Variants in PLCB1 observed in about 807,000 individuals in gnomAD.
The protein encoded by PLCB1 is phospholipase C beta 1.
A neutral mutation model predicts 161.8 loss-of-function variants in PLCB1; 46 were observed. The ratio of observed to expected loss-of-function variants is 0.28; its 90% CI spans 0.22 to 0.36. PLCB1 has a LOEUF of 0.36. Ranked by LOEUF, PLCB1 falls within the 10% of genes least tolerant of loss-of-function variation. The pLI, the probability that PLCB1 is intolerant of heterozygous loss-of-function variation, is 1.00. For missense variants in PLCB1, 1,016 were observed against 1,472.5 expected (o/e 0.69, Z 5.07); for synonymous variants, 517 against 503.7 (o/e 1.03, Z -0.35).
At chr20:8,387,908 A>C (rs1600365753) in intron 3 of PLCB1, among the ~76,000 whole-genome samples, 2 of 151,212 alleles carry the variant, frequency 1.3e-5, no homozygotes, top group Admixed American at 1.3e-4. Context: ...GTGTGAATCT[A>C]CTTAATGCCA....
At chr20:8,382,952 A>G (rs1456074540) in intron 3 of PLCB1, among the ~76,000 whole-genome samples, 3 of 152,168 alleles carry the variant, frequency 2.0e-5, no homozygotes, top group African/African-American at 7.2e-5. Flanking sequence ...TTTACTTCCA[A>G]TTATGTAGTT....
At chr20:8,203,788 T>A (rs987155661) in intron 2 of PLCB1, among the ~76,000 whole-genome samples, 9 of 152,062 alleles carry the variant, frequency 5.9e-5, no homozygotes, top group Admixed American at 6.6e-5. Context: ...AAATAATAGA[T>A]GGAGATTTTT....
intron 2 of PLCB1, among the ~76,000 whole-genome samples, chr20:8,209,668 G>A (rs1187232165): frequency 6.6e-6 from 1 of 152,054 alleles, no homozygotes; most frequent in Non-Finnish European, 1.5e-5. Context: ...GAAACAAAAA[G>A]GAGTTTCTCT....
intron 3 of PLCB1, among the ~76,000 whole-genome samples, chr20:8,377,068 C>A (rs1987111770): frequency 6.6e-6 from 1 of 152,138 alleles, no homozygotes; most frequent in East Asian, 1.9e-4. Flanking sequence ...GAAGGCAATA[C>A]ACACCATGTC....
intron 3 of PLCB1, among the ~76,000 whole-genome samples, chr20:8,567,705 G>A (rs1488863082): frequency 6.6e-6 from 1 of 151,962 alleles, no homozygotes; most frequent in Non-Finnish European, 1.5e-5. Flanking sequence ...CTGCACTCTA[G>A]CCTGGGCAAC....
At chr20:8,552,974 G>A (rs1985822799) in intron 3 of PLCB1, among the ~76,000 whole-genome samples, 1 of 152,122 alleles carries the variant, frequency 6.6e-6, no homozygotes, top group South Asian at 2.1e-4. Flanking sequence ...AGCAGCATGT[G>A]TCCAAATATA....
At chr20:8,431,306 T>C (rs1198554373) in intron 3 of PLCB1, among the ~76,000 whole-genome samples, 1 of 152,216 alleles carries the variant, frequency 6.6e-6, no homozygotes, top group Non-Finnish European at 1.5e-5. Context: ...GCCTTAATTA[T>C]GACAGTGATC....
intron 2 of PLCB1, among the ~76,000 whole-genome samples, chr20:8,304,400 T>C (rs1415744354): frequency 6.6e-6 from 1 of 151,960 alleles, no homozygotes; most frequent in Non-Finnish European, 1.5e-5. Flanking sequence ...GCCTGTTTCA[T>C]CTCTGAGCAG....
At chr20:8,600,320 A>G (rs1212389752) in intron 3 of PLCB1, among the ~76,000 whole-genome samples, 5 of 99,168 alleles carry the variant, frequency 5.0e-5, no homozygotes, top group African/African-American at 2.1e-4. Flanking sequence ...CTTCTAACAG[A>G]CAGGACCCTC....
intron 2 of PLCB1, among the ~76,000 whole-genome samples, chr20:8,167,828 A>AT (rs1181110374): frequency 6.6e-6 from 1 of 152,112 alleles, no homozygotes; most frequent in African/African-American, 2.4e-5. Flanking sequence ...AACAACAACC[A>AT]TTTTTTTGAG....
At chr20:8,551,661 C>A (rs950562071) in intron 3 of PLCB1, among the ~76,000 whole-genome samples, 1 of 152,098 alleles carries the variant, frequency 6.6e-6, no homozygotes, top group Non-Finnish European at 1.5e-5. Context: ...TTGTGTCATC[C>A]CTTAGGTGAC....
intron 27 of PLCB1, among the ~76,000 whole-genome samples, chr20:8,788,179 C>T (rs945089513): frequency 3.9e-5 from 6 of 152,128 alleles, no homozygotes; most frequent in African/African-American, 1.4e-4. Flanking sequence ...TTGCACTGAG[C>T]TGGGCTATAA....
chr20:8,170,665 C>T (rs370636481), intron 2 of PLCB1, among the ~76,000 whole-genome samples: 5 of 151,880 alleles, frequency 3.3e-5, no homozygotes, highest in Non-Finnish European at 5.9e-5. Context: ...AGAAGGAAGG[C>T]GACCTTTAAT....
intron 10 of PLCB1, among the ~76,000 whole-genome samples, chr20:8,693,861 G>T (rs917625878): frequency 1.3e-5 from 2 of 152,180 alleles, no homozygotes; most frequent in Non-Finnish European, 2.9e-5. Flanking sequence ...TTGCAGAGCT[G>T]TGACTTGGGG....
intron 19 of PLCB1, among the ~76,000 whole-genome samples, chr20:8,733,792 TAATAATAA>T (rs1980414006): frequency 3.0e-5 from 2 of 65,930 alleles, no homozygotes; most frequent in South Asian, 1.3e-3. Flanking sequence ...AGTATAATAA[TAATAATAA>T]TAATAATAAT....
At chr20:8,768,037 G>A (rs1366919808) in intron 26 of PLCB1, among the ~76,000 whole-genome samples, 1 of 151,964 alleles carries the variant, frequency 6.6e-6, no homozygotes, top group African/African-American at 2.4e-5. Context: ...AGGCATGGTG[G>A]CACACACCTG....
At chr20:8,831,970 CTTTCTT>C (rs1986031569) in intron 31 of PLCB1, among the ~76,000 whole-genome samples, 1 of 87,194 alleles carries the variant, frequency 1.1e-5, no homozygotes, top group South Asian at 3.9e-4. Context: ...TTCTTTCTTT[CTTTCTT>C]TCTTTCCTTC....
intron 2 of PLCB1, among the ~76,000 whole-genome samples, chr20:8,369,598 G>T (rs1291007216): frequency 6.6e-6 from 1 of 152,178 alleles, no homozygotes; most frequent in African/African-American, 2.4e-5. Context: ...ATTGTGGATG[G>T]TGTGGCCTTC....
intron 2 of PLCB1, among the ~76,000 whole-genome samples, chr20:8,173,639 T>C (rs2051754434): frequency 6.6e-6 from 1 of 152,228 alleles, no homozygotes. Context: ...GATCATGGCT[T>C]GAGTCAGAAA....
Sources: allele counts gnomAD v4.1 joint callset (sites outside exome capture counted in the v4.1 genomes callset), GRCh38; gene constraint gnomAD v4.1.1; transcripts MANE v1.5; gene names NCBI Gene and HGNC (gene_info 2026-07-23, HGNC 2026-07-21).